NUP210L: variants seen among roughly 807,000 people sequenced by gnomAD.
The protein encoded by NUP210L is nucleoporin 210 like.
Under a neutral mutation model 208.5 loss-of-function variants are expected in NUP210L, and 74 were observed. That is an observed-to-expected ratio of 0.35 (90% CI 0.29 to 0.43). The LOEUF (loss-of-function observed/expected upper bound fraction) is 0.43. Ranked by LOEUF, NUP210L falls within the 20% of genes least tolerant of loss-of-function variation. NUP210L has a pLI of 1.00. For missense variants in NUP210L, 1,843 were observed against 2,289.4 expected (o/e 0.81, Z 3.98); for synonymous variants, 780 against 816.9 (o/e 0.95, Z 0.77).
chr1:154,015,043 C>CT (rs1003347734), intron 33 of NUP210L, among the ~76,000 whole-genome samples: 2 of 151,822 alleles, frequency 1.3e-5, no homozygotes, highest in Non-Finnish European at 2.9e-5. Context: ...TGGGAAAATA[C>CT]TTTTTTTTCT....
At chr1:154,118,480 G>A (rs1184200934) in intron 11 of NUP210L, among the ~76,000 whole-genome samples, 191 bp downstream of exon 11, 1 of 152,166 alleles carries the variant, frequency 6.6e-6, no homozygotes, top group Non-Finnish European at 1.5e-5. Flanking sequence ...TGGGAAGAGA[G>A]ACAGAAAGCA....
rs1266506798 is a variant in NUP210L at position 154,058,003 on chromosome 1, T to C, written c.3107+86A>G. On this transcript the variant is annotated intron_variant, in intron 22 of 39. Coordinates refer to ENST00000368559, the Ensembl canonical transcript of NUP210L. ...GGAATGGAGAAAATCTGAAATAATC[T>C]AAGGTAAGGGAAAGCTGACCAGGTC... 3.6e-6 allele frequency: 5 copies of C among 1,396,368 alleles called. No homozygotes were observed. In the African/African-American group the frequency reaches 5.8e-5, roughly 16 times the overall value. 86.5% of individuals were successfully genotyped at this position (1,396,368 alleles called of 1,614,324 possible). A position where few individuals can be genotyped will look rare whatever the true frequency, so the allele number is the denominator to read the frequency against.
At chr1:154,026,354 C>G (rs532946294) in intron 29 of NUP210L, among the ~76,000 whole-genome samples, 1 of 152,160 alleles carries the variant, frequency 6.6e-6, no homozygotes, top group Non-Finnish European at 1.5e-5. Context: ...ACCCAAATTT[C>G]TTTTCTTTTT....
chr1:154,039,462 C>G (rs1035448258), intron 27 of NUP210L, among the ~76,000 whole-genome samples: 6 of 152,116 alleles, frequency 3.9e-5, no homozygotes, highest in African/African-American at 1.4e-4. Context: ...TCTCGAACTC[C>G]TGACCTCAGA....
intron 37 of NUP210L, among the ~76,000 whole-genome samples, chr1:153,996,736 GATC>G (rs1209324030): frequency 6.6e-6 from 1 of 151,624 alleles, no homozygotes; most frequent in African/African-American, 2.4e-5. Context: ...TTTTTTTTAA[GATC>G]ATCAGTGACC....
intron 17 of NUP210L, among the ~76,000 whole-genome samples, chr1:154,066,377 C>T (rs960621275): frequency 4.6e-5 from 7 of 152,126 alleles, no homozygotes; most frequent in Admixed American, 4.6e-4. Context: ...CTTTGGAGGC[C>T]GAGGCGGGCG....
chr1:154,033,369 T>C (rs1220648505), intron 27 of NUP210L, among the ~76,000 whole-genome samples: 1 of 152,356 alleles, frequency 6.6e-6, no homozygotes, highest in East Asian at 1.9e-4. Flanking sequence ...TGTAATATTT[T>C]CATACTTTGA....
chr1:154,017,522 T>TC (rs528864056), intron 33 of NUP210L, among the ~76,000 whole-genome samples: 319 of 147,996 alleles, frequency 2.2e-3, no homozygotes, highest in Admixed American at 5.0e-3. Context: ...TTTCTTTCTT[T>TC]TTTTTTTTTT....
intron 32 of NUP210L, among the ~76,000 whole-genome samples, chr1:154,021,513 A>G (rs1474186022): frequency 2.0e-5 from 3 of 151,932 alleles, no homozygotes; most frequent in African/African-American, 7.3e-5. Flanking sequence ...AAACAAAACA[A>G]AGTATAGTTT....
intron 33 of NUP210L, among the ~76,000 whole-genome samples, chr1:154,018,370 C>T (rs1279782973): frequency 6.6e-6 from 1 of 152,120 alleles, no homozygotes; most frequent in Non-Finnish European, 1.5e-5. Flanking sequence ...CTCAACATAT[C>T]CAGTTGACAT....
chr1:154,061,590 G>A (rs371048762), exon 18 of NUP210L: 49 of 1,543,576 alleles, frequency 3.2e-5, no homozygotes, highest in Non-Finnish European at 4.2e-5. Flanking sequence ...ACTCACTTTT[G>A]GGCTTTTCTT....
In NUP210L at chr1:154,083,836, C is replaced by T. The variant is rs1484030259; in HGVS notation, c.2361+5585G>A. On this transcript the variant is annotated intron_variant, in intron 16 of 39. Coordinates refer to ENST00000368559, the Ensembl canonical transcript of NUP210L. ...ATAGAATGGCACTGTGGCACAGAAACGGTGGTTTGGGATGAGAAAGGATGA... is the reference window on the plus strand; with the variant it reads ...ATAGAATGGCACTGTGGCACAGAAATGGTGGTTTGGGATGAGAAAGGATGA... Among the ~76,000 whole-genome samples, 8 of 151,706 alleles carry T rather than the reference C, an allele frequency of 5.3e-5. No individual in the cohort carries two copies. The East Asian group carries it at 5.9e-4, about 11-fold the overall frequency.
rs969725100 is a variant in NUP210L at position 154,060,646 on chromosome 1, G to A, written c.2749-5C>T. 1.3e-6 allele frequency: 2 copies of A among 1,582,478 alleles called. No homozygotes were observed. Among genetic ancestry groups the A allele is most frequent in the Non-Finnish European group, 1.7e-6 (2 of 1,152,682 alleles). ...TTCCACAAGGCTAAATGTTTCCTAT[G>A]GAAAAATCAGACAAACAATATTCTG... On this transcript the variant is annotated splice_region_variant and splice_polypyrimidine_tract_variant and intron_variant, in intron 19 of 39. Transcript: ENST00000368559.
chr1:154,027,423 A>G (rs1320890828), intron 29 of NUP210L, 83 bp downstream of exon 29: 3 of 982,968 alleles, frequency 3.1e-6, no homozygotes, highest in Non-Finnish European at 4.7e-6. Context: ...CCTAGAAGGC[A>G]AAAGTGTTCT....
At chr1:154,037,678 T>C (rs1652637803) in intron 27 of NUP210L, among the ~76,000 whole-genome samples, 1 of 152,118 alleles carries the variant, frequency 6.6e-6, no homozygotes, top group Non-Finnish European at 1.5e-5. Flanking sequence ...TTTATTTTAT[T>C]TTATTTTTTG....
chr1:154,131,624 G>A (rs1371208589), intron 7 of NUP210L, among the ~76,000 whole-genome samples: 1 of 151,292 alleles, frequency 6.6e-6, no homozygotes, highest in Non-Finnish European at 1.5e-5. Flanking sequence ...TTGTCCTTAT[G>A]AAAGCCAAGC....
chr1:154,092,225 G>A (rs965945540), intron 15 of NUP210L, among the ~76,000 whole-genome samples: 1 of 151,500 alleles, frequency 6.6e-6, no homozygotes, highest in Non-Finnish European at 1.5e-5. Context: ...ACAGGCACGC[G>A]CCACCACGCC....
At chr1:154,030,411 C>A (rs1057486641) in intron 27 of NUP210L, among the ~76,000 whole-genome samples, 3 of 152,024 alleles carry the variant, frequency 2.0e-5, no homozygotes, top group African/African-American at 7.2e-5. Flanking sequence ...GATCCTCCCA[C>A]CTCACTCTCC....
At chr1:153,996,725 CTT>C (rs1484171706) in intron 37 of NUP210L, among the ~76,000 whole-genome samples, 3 of 151,688 alleles carry the variant, frequency 2.0e-5, no homozygotes, top group Admixed American at 2.0e-4. Context: ...CCAGCCAAAA[CTT>C]TTTTTTAAGA....
Sources: gnomAD v4.1 joint callset for allele counts (sites outside exome capture counted in the v4.1 genomes callset) on GRCh38, gnomAD v4.1.1 for gene constraint, MANE v1.5 for transcripts, NCBI Gene and HGNC (gene_info 2026-07-23, HGNC 2026-07-21) for gene names.